Variants in DAB2IP observed in about 807,000 individuals in gnomAD.
The protein encoded by DAB2IP is DAB2 interacting protein, also known as disabled homolog 2-interacting protein.
In DAB2IP, 28 loss-of-function variants were observed where a neutral mutation model predicts 107.2. The observed-to-expected ratio is 0.26, with a 90% CI of 0.19 to 0.36. DAB2IP has a LOEUF of 0.36. DAB2IP is among the 10% of genes least tolerant of loss of function. DAB2IP has a pLI of 1.00. For synonymous variants in DAB2IP, 755 were observed against 706.4 expected, an observed-to-expected ratio of 1.07 and a Z score of -1.09; for missense variants, 1,400 against 1,644.7, an observed-to-expected ratio of 0.85 and a Z score of 2.57.
chr9:121,574,250 C>T lies in DAB2IP; in HGVS notation c.40+7022C>T, dbSNP rs1830009441. Among the ~76,000 whole-genome samples the T allele has an allele frequency of 2.0e-5, 3 of 152,148 alleles. No homozygotes were observed. In the South Asian group the frequency reaches 6.2e-4, roughly 31 times the overall value. ...CCTGCCCTCCCTCTGAGGCCTCCTC[C>T]TGGCTCTGCCACTCAGCTCACTCAG... On this transcript the variant is annotated intron_variant, in intron 1 of 16. Coordinates refer to the DAB2IP transcript ENST00000259371.
rs1053159441 is a variant in DAB2IP at position 121,732,418 on chromosome 9, C to G, written c.363-24595C>G. Among the ~76,000 whole-genome samples the G allele has an allele frequency of 5.3e-5, 8 of 152,120 alleles. No individual in the cohort carries two copies. In the East Asian group the frequency reaches 1.5e-3, roughly 29 times the overall value. ...CAGCCAAAGTCATCACCATAAGACA[C>G]TGGTTGGGGGCCTGGCAGGCGGAGG... On this transcript the variant is annotated intron_variant, in intron 3 of 15. Coordinates refer to ENST00000408936, the Ensembl canonical transcript of DAB2IP.
At chr9:121,737,422 C>T in intron 3 of DAB2IP, 16 of 985,464 alleles carry the variant, frequency 1.6e-5, no homozygotes, top group Non-Finnish European at 1.9e-5. Flanking sequence ...ACAGATTCAG[C>T]ACGTGCCTTT....
chr9:121,623,010 G>A (rs1283821100), intron 1 of DAB2IP, among the ~76,000 whole-genome samples: 1 of 152,196 alleles, frequency 6.6e-6, no homozygotes, highest in Non-Finnish European at 1.5e-5. Context: ...GGGTGTGCAC[G>A]TGGGGCACCC....
intron 8 of DAB2IP, 43 bp from the exon 9 acceptor site, chr9:121,766,451 C>T: frequency 6.4e-7 from 1 of 1,568,052 alleles, no homozygotes; most frequent in Non-Finnish European, 8.7e-7. Flanking sequence ...TGTCCTGGGC[C>T]CCTGCCTGAC....
chr9:121,644,527 G>T (rs542929931), intron 1 of DAB2IP, among the ~76,000 whole-genome samples: 1 of 152,206 alleles, frequency 6.6e-6, no homozygotes, highest in African/African-American at 2.4e-5. Context: ...AACCTGGGAG[G>T]CGGAGGTTGC....
upstream of DAB2IP, among the ~76,000 whole-genome samples, chr9:121,650,650 A>G (rs987681143): frequency 1.3e-5 from 2 of 152,218 alleles, no homozygotes; most frequent in African/African-American, 4.8e-5. Flanking sequence ...GAGGCAGCTC[A>G]GGCAGGTGTC....
chr9:121,577,630 T>C (rs1233276997), intron 1 of DAB2IP, among the ~76,000 whole-genome samples: 2 of 152,056 alleles, frequency 1.3e-5, no homozygotes, highest in Non-Finnish European at 2.9e-5. Context: ...CTGACATGGC[T>C]GGGGGTGGCT....
chr9:121,600,426 C>T (rs982781092), intron 1 of DAB2IP, among the ~76,000 whole-genome samples: 2 of 152,166 alleles, frequency 1.3e-5, no homozygotes, highest in Admixed American at 1.3e-4. Flanking sequence ...ACCAACGCCA[C>T]CTGCTTCCAG....
At chr9:121,575,021 GT>G (rs1253374373) in intron 1 of DAB2IP, 1 of 152,698 alleles carries the variant, frequency 6.5e-6, no homozygotes, top group Non-Finnish European at 1.5e-5. Flanking sequence ...TGCAGTGGGG[GT>G]TGGCTGGTGA....
At chr9:121,643,966 G>A (rs72764052) in intron 1 of DAB2IP, among the ~76,000 whole-genome samples, 155 of 152,216 alleles carry the variant, frequency 1.0e-3, no homozygotes, top group African/African-American at 3.7e-3. Flanking sequence ...CCAGGAGTTC[G>A]AGACCAGTCT....
chr9:121,684,332 G>A lies in DAB2IP; in HGVS notation c.228+5551G>A, dbSNP rs1206518834. The stretch of plus-strand genomic sequence containing the variant: ...CATGTCTAGGGTAGGGCCTGGAGTT[G>A]AGCCCAGGTCTCTGTCCCTCTCCCC... On this transcript the variant is annotated intron_variant, in intron 2 of 15. Coordinates refer to ENST00000408936, the Ensembl canonical transcript of DAB2IP. The surrounding 1 kb of genome is among the most constrained non-coding windows in gnomAD (Gnocchi z 4.0). 6.6e-6 allele frequency among the ~76,000 whole-genome samples: 1 copy of A among 152,098 alleles called. No homozygotes were observed. Among genetic ancestry groups the A allele is most frequent in the East Asian group, 1.9e-4 (1 of 5,194 alleles).
intron 1 of DAB2IP, among the ~76,000 whole-genome samples, chr9:121,568,720 G>C (rs575190700): frequency 1.3e-5 from 2 of 152,318 alleles, no homozygotes; most frequent in Admixed American, 1.3e-4. Flanking sequence ...TTGGATGTCT[G>C]GATGCTCCCC....
intron 1 of DAB2IP, among the ~76,000 whole-genome samples, chr9:121,655,737 G>A (rs1044397739): frequency 1.3e-4 from 20 of 152,274 alleles, no homozygotes; most frequent in African/African-American, 4.3e-4. Flanking sequence ...GCCATGAGGG[G>A]TTTTGATTAT....
intron 9 of DAB2IP, 137 bp downstream of exon 9, chr9:121,766,867 TCTC>T (rs909430920): frequency 2.5e-6 from 2 of 807,984 alleles, no homozygotes; most frequent in Non-Finnish European, 4.0e-6. Flanking sequence ...CCTCAGTCCT[TCTC>T]CTTCCCGCTT....
At chr9:121,779,032 C>T (rs1316356297) in intron 14 of DAB2IP, among the ~76,000 whole-genome samples, 1 of 152,160 alleles carries the variant, frequency 6.6e-6, no homozygotes, top group Admixed American at 6.5e-5. Flanking sequence ...TAGGCTGACT[C>T]ATTTTGTCCC....
intron 3 of DAB2IP, among the ~76,000 whole-genome samples, chr9:121,749,668 C>T (rs927281115): frequency 3.9e-5 from 6 of 152,188 alleles, no homozygotes; most frequent in African/African-American, 1.4e-4. Flanking sequence ...GTCTACTGCC[C>T]ACTGCTAGGC....
intron 3 of DAB2IP, chr9:121,737,719 T>C: frequency 1.0e-6 from 1 of 985,448 alleles, no homozygotes; most frequent in Non-Finnish European, 1.2e-6. Flanking sequence ...CACAAAGGTC[T>C]GTTTGAAGTC....
Position 121,731,242 on chromosome 9 carries a change from C to T in DAB2IP, c.363-25771C>T, listed in dbSNP as rs1831519989. On this transcript the variant is annotated intron_variant, in intron 3 of 15. Coordinates refer to ENST00000408936, the Ensembl canonical transcript of DAB2IP. ...TGTTCACCTGTTTGGCTCCTGGTGTCACTTCCTTCCCAGCTGGGTGGCCTT... is the reference window on the plus strand; with the variant it reads ...TGTTCACCTGTTTGGCTCCTGGTGTTACTTCCTTCCCAGCTGGGTGGCCTT... 2.6e-5 allele frequency among the ~76,000 whole-genome samples: 4 copies of T among 152,332 alleles called. No individual in the cohort carries two copies. The South Asian group carries it at 8.3e-4, about 32-fold the overall frequency.
intron 1 of DAB2IP, among the ~76,000 whole-genome samples, chr9:121,568,475 T>C (rs1829857984): frequency 6.6e-6 from 1 of 151,666 alleles, no homozygotes; most frequent in Admixed American, 6.6e-5. Flanking sequence ...GCTTAGTGAA[T>C]GGAAGGAGGA....
Sources: gnomAD v4.1 joint callset for allele counts (sites outside exome capture counted in the v4.1 genomes callset) on GRCh38, gnomAD v4.1.1 for gene constraint, Gnocchi (gnomAD v3.1) non-coding constraint, MANE v1.5 for transcripts, NCBI Gene and HGNC (gene_info 2026-07-23, HGNC 2026-07-21) for gene names.